Variants in KCNK9 observed in about 807,000 individuals in gnomAD.
The protein encoded by KCNK9 is potassium channel subfamily K member 9.
A neutral mutation model predicts 10.8 loss-of-function variants in KCNK9; 1 was observed. The observed-to-expected ratio is 0.09, with a 90% CI of 0.03 to 0.44. The LOEUF (loss-of-function observed/expected upper bound fraction) is 0.44, where lower values mean the gene tolerates loss of function less well. Ranked by LOEUF, KCNK9 falls within the 20% of genes least tolerant of loss-of-function variation. The pLI is 0.97. For synonymous variants in KCNK9, 231 were observed against 222.7 expected, an observed-to-expected ratio of 1.04 and a Z score of -0.33; for missense variants, 303 against 515.0, an observed-to-expected ratio of 0.59 and a Z score of 3.98.
chr8:139,679,336 G>A (rs1816632871), intron 1 of KCNK9, among the ~76,000 whole-genome samples: 1 of 152,224 alleles, frequency 6.6e-6, no homozygotes, highest in South Asian at 2.1e-4. Flanking sequence ...GCAGGTGAAA[G>A]GCACTCCCTG....
chr8:139,641,299 T>C (rs1162921135), intron 1 of KCNK9, among the ~76,000 whole-genome samples: 1 of 152,166 alleles, frequency 6.6e-6, no homozygotes, highest in Non-Finnish European at 1.5e-5. Context: ...ATGGGGCTGC[T>C]GTCTGTGGGG....
intron 1 of KCNK9, among the ~76,000 whole-genome samples, chr8:139,691,660 A>G (rs868096190): frequency 2.6e-5 from 4 of 152,240 alleles, no homozygotes; most frequent in South Asian, 4.1e-4. Flanking sequence ...TTCAATAATT[A>G]AGTGTCCATT....
intron 1 of KCNK9, among the ~76,000 whole-genome samples, chr8:139,664,915 C>A (rs1474315199): frequency 2.6e-5 from 4 of 151,938 alleles, no homozygotes; most frequent in Admixed American, 1.3e-4. Flanking sequence ...AGATAACCCT[C>A]CCCCAGCAAT....
rs1268600617 is a variant in KCNK9, at chr8:139,654,356, G to A, written c.284-35257C>T. On this transcript the variant is annotated intron_variant, in intron 1 of 1. Coordinates refer to ENST00000520439, the MANE Select transcript of KCNK9 (RefSeq NM_001282534.2). ...AGAGAGCAGAGCTGCTGAACAGGAC[G>A]CTGGCCTCGGAGCGCGGCCAGACCC... Among the ~76,000 whole-genome samples the A allele has an allele frequency of 3.3e-5, 5 of 152,198 alleles. No homozygotes were observed. The East Asian group carries it at 7.7e-4, about 23-fold the overall frequency.
chr8:139,646,143 G>T (rs1315261483), intron 1 of KCNK9, among the ~76,000 whole-genome samples: 1 of 151,854 alleles, frequency 6.6e-6, no homozygotes, highest in African/African-American at 2.4e-5. Flanking sequence ...TTCAGAGACT[G>T]AACTAGATGT....
At chr8:139,658,307 G>A (rs989677220) in intron 1 of KCNK9, among the ~76,000 whole-genome samples, 2 of 152,130 alleles carry the variant, frequency 1.3e-5, no homozygotes, top group African/African-American at 4.8e-5. Context: ...AGTCATGGGG[G>A]GACAACCACT....
In KCNK9 at chr8:139,617,848, G is replaced by T. The variant is rs879725043; in HGVS notation, c.*410C>A. ...AGTTAGGTCAGAGACACCACTAAGG[G>T]TAGGCGATTGAAGGCTGAGCGTGAT... On this transcript the variant is annotated 3_prime_UTR_variant, in exon 2 of 2. Coordinates refer to ENST00000520439, the MANE Select transcript of KCNK9 (RefSeq NM_001282534.2). Among the ~76,000 whole-genome samples the T allele has an allele frequency of 1.1e-4, 16 of 152,100 alleles. No individual in the cohort carries two copies. The highest frequency in any genetic ancestry group is 2.6e-4 in the Admixed American group (4 of 15,268).
At chr8:139,660,735 G>A (rs1024193714) in intron 1 of KCNK9, among the ~76,000 whole-genome samples, 11 of 152,110 alleles carry the variant, frequency 7.2e-5, no homozygotes, top group African/African-American at 2.7e-4. Flanking sequence ...GTCATTAAAG[G>A]ACTTAGCCCA....
At chr8:139,692,806 C>A (rs969835687) in intron 1 of KCNK9, among the ~76,000 whole-genome samples, 9 of 152,204 alleles carry the variant, frequency 5.9e-5, no homozygotes, top group African/African-American at 1.7e-4. Context: ...CATGCCCTGG[C>A]ACCCATGAGT....
At chr8:139,635,806 G>A (rs1815321165) in intron 1 of KCNK9, among the ~76,000 whole-genome samples, 1 of 152,156 alleles carries the variant, frequency 6.6e-6, no homozygotes, top group Non-Finnish European at 1.5e-5. Flanking sequence ...TTCCCTGCTA[G>A]TCCTTTTCCT....
intron 1 of KCNK9, among the ~76,000 whole-genome samples, chr8:139,639,346 C>G (rs970818995): frequency 6.6e-6 from 1 of 152,220 alleles, no homozygotes; most frequent in Non-Finnish European, 1.5e-5. Context: ...GTAGTGACGC[C>G]AAGATGTGGC....
intron 1 of KCNK9, among the ~76,000 whole-genome samples, chr8:139,680,838 G>A (rs1205329229): frequency 6.6e-6 from 1 of 152,106 alleles, no homozygotes. Context: ...CCCTCTCTCT[G>A]ATCCCAAGGT....
chr8:139,694,109 G>T (rs1438617578), intron 1 of KCNK9, among the ~76,000 whole-genome samples: 1 of 152,096 alleles, frequency 6.6e-6, no homozygotes, highest in Non-Finnish European at 1.5e-5. Flanking sequence ...GGCCTCAGGT[G>T]CCCCCTTGCT....
At position 139,618,791 on chromosome 8, in the gene KCNK9, T is replaced by G; in HGVS notation, c.592A>C (p.Thr198Pro). 6.2e-7 allele frequency: 1 copy of G among 1,614,148 alleles called. No individual in the cohort carries two copies. The highest frequency in any genetic ancestry group is 8.5e-7 in the Non-Finnish European group (1 of 1,180,026). ...HAYYYCFITL[T>P]TIGFGDYVAL... ...ACGTAGTCCCCGAACCCAATGGTAG[T>G]CAACGTGATGAAGCAGTAGTAGTAG... Residue 198 changes from threonine (T) to proline (P), a missense_variant, in exon 2 of 2, where the codon ACT becomes CCT. Thr to Pro is a conservative substitution (Grantham distance 38). Around this residue, in one of 5 missense-constraint regions of KCNK9, gnomAD observed 53 missense variants for 134.9 expected, o/e 0.39. Transcript: ENST00000520439. The surrounding 1 kb of genome is among the most constrained non-coding windows in gnomAD (Gnocchi z 7.9).
intron 1 of KCNK9, among the ~76,000 whole-genome samples, chr8:139,632,673 T>TC (rs1320188661): frequency 6.6e-6 from 1 of 151,696 alleles, no homozygotes; most frequent in Non-Finnish European, 1.5e-5. Context: ...CTGCTCCCAT[T>TC]CCCCCCGCTC....
intron 1 of KCNK9, among the ~76,000 whole-genome samples, chr8:139,695,561 G>T (rs902392634): frequency 6.6e-6 from 1 of 152,200 alleles, no homozygotes. Flanking sequence ...CCCAGGTGGG[G>T]ATGGGCAGGA....
At chr8:139,670,329 G>T (rs548898183) in intron 1 of KCNK9, among the ~76,000 whole-genome samples, 1 of 152,150 alleles carries the variant, frequency 6.6e-6, no homozygotes, top group African/African-American at 2.4e-5. Context: ...AAAATGAGAC[G>T]CAGAGACCCA....
rs549582212 is a variant in KCNK9, at chr8:139,685,165, T to C, written c.283+17545A>G. Among the ~76,000 whole-genome samples the C allele has an allele frequency of 1.9e-4, 29 of 152,298 alleles. No individual in the cohort carries two copies. In the South Asian group the frequency reaches 6.0e-3, roughly 32 times the overall value. Reference sequence around the variant, plus strand: ...ATGGAACTCAACAAAAATTAATCATTGCACTACAAAGAAAAAGTCCTGTAA... The same window carrying C: ...ATGGAACTCAACAAAAATTAATCATCGCACTACAAAGAAAAAGTCCTGTAA... On this transcript the variant is annotated intron_variant, in intron 1 of 1. Transcript: ENST00000520439.
At chr8:139,653,852 C>T (rs1405191977) in intron 1 of KCNK9, among the ~76,000 whole-genome samples, 5 of 152,264 alleles carry the variant, frequency 3.3e-5, no homozygotes, top group African/African-American at 7.2e-5. Flanking sequence ...TCGGGCAACA[C>T]CCTCCCAGGA....
Sources: gnomAD v4.1 joint callset for allele counts (sites outside exome capture counted in the v4.1 genomes callset) on GRCh38, gnomAD v4.1.1 for gene constraint, gnomAD v4.1.1 regional missense constraint, Gnocchi (gnomAD v3.1) non-coding constraint, MANE v1.5 for transcripts, NCBI Gene and HGNC (gene_info 2026-07-23, HGNC 2026-07-21) for gene names.